The following PHACTR1 variants were observed in gnomAD, a reference collection of about 807,000 sequenced individuals.
PHACTR1 encodes phosphatase and actin regulator 1.
A neutral mutation model predicts 69.2 loss-of-function variants in PHACTR1; 16 were observed. That is an observed-to-expected ratio of 0.23 (90% CI 0.16 to 0.35). The LOEUF is 0.35. Among genes scored for constraint, PHACTR1 ranks in the 10% least tolerant of loss-of-function variants. The pLI, the probability that PHACTR1 is intolerant of heterozygous loss-of-function variation, is 1.00. For synonymous variants in PHACTR1, 312 were observed against 284.5 expected, an observed-to-expected ratio of 1.10 and a Z score of -0.97; for missense variants, 510 against 734.7, an observed-to-expected ratio of 0.69 and a Z score of 3.54.
rs139158116 is a variant in PHACTR1, at chr6:13,188,489, A to G, written c.664+5803A>G. Among the ~76,000 whole-genome samples the G allele has an allele frequency of 5.4e-3, 815 of 152,322 alleles. 5 individuals are homozygous for G. Among genetic ancestry groups the G allele is most frequent in the Admixed American group, 9.0e-3 (137 of 15,300 alleles). ...TGACATGTTTGAAAGGAAACACAGG[A>G]CAATTGAAAGACACCAAGCGTGATT... is the stretch of plus-strand genomic sequence containing the variant. On this transcript the variant is annotated intron_variant, in intron 7 of 14. Transcript: ENST00000332995.
intron 8 of PHACTR1, among the ~76,000 whole-genome samples, chr6:13,221,369 T>G (rs189938602): frequency 6.6e-6 from 1 of 151,990 alleles, no homozygotes; most frequent in East Asian, 1.9e-4. Flanking sequence ...TTCCTGGCTC[T>G]TTTGATTAGG....
At chr6:13,002,114 C>T (rs992501881) in intron 4 of PHACTR1, among the ~76,000 whole-genome samples, 24 of 152,296 alleles carry the variant, frequency 1.6e-4, no homozygotes, top group African/African-American at 5.8e-4. Flanking sequence ...CATGAGTCAC[C>T]TGTCTTTTCC....
At chr6:12,913,024 C>G (rs1428641212) in intron 4 of PHACTR1, among the ~76,000 whole-genome samples, 1 of 152,190 alleles carries the variant, frequency 6.6e-6, no homozygotes, top group Non-Finnish European at 1.5e-5. Flanking sequence ...ATTTGTCATG[C>G]CTGAAAAAGC....
At chr6:12,952,429 C>A (rs77984313) in intron 4 of PHACTR1, among the ~76,000 whole-genome samples, 2,733 of 152,304 alleles carry the variant, frequency 0.018, 68 homozygotes, top group African/African-American at 0.062. Flanking sequence ...TCATTGTCTC[C>A]ATAGTGTTTA....
At chr6:12,952,517 A>G (rs1229116438) in intron 4 of PHACTR1, among the ~76,000 whole-genome samples, 1 of 152,204 alleles carries the variant, frequency 6.6e-6, no homozygotes, top group East Asian at 1.9e-4. Context: ...TGGAGGCATT[A>G]AGATTTCCTT....
At chr6:13,142,835 GA>G (rs36049014) in intron 5 of PHACTR1, among the ~76,000 whole-genome samples, 3 of 147,210 alleles carry the variant, frequency 2.0e-5, no homozygotes, top group South Asian at 2.1e-4. Flanking sequence ...TGAGAAGTGT[GA>G]AAAAAAAAAG....
chr6:13,172,454 C>T (rs1024099661), intron 6 of PHACTR1, among the ~76,000 whole-genome samples: 5 of 152,138 alleles, frequency 3.3e-5, no homozygotes, highest in African/African-American at 1.2e-4. Flanking sequence ...TAATGAGGCG[C>T]TCAGGTTACC....
At chr6:13,285,489 C>A (rs1163046854) in intron 13 of PHACTR1, among the ~76,000 whole-genome samples, 1 of 152,182 alleles carries the variant, frequency 6.6e-6, no homozygotes, top group African/African-American at 2.4e-5. Flanking sequence ...TCTTTACCAG[C>A]CCCTCCTCCT....
At chr6:13,182,165 G>A (rs1052744950) in intron 6 of PHACTR1, among the ~76,000 whole-genome samples, 2 of 152,074 alleles carry the variant, frequency 1.3e-5, no homozygotes, top group Non-Finnish European at 2.9e-5. Flanking sequence ...CCCGGGAGGC[G>A]GATGTTGTGG....
chr6:13,256,955 A>G (rs1775269983), intron 10 of PHACTR1, among the ~76,000 whole-genome samples: 1 of 152,206 alleles, frequency 6.6e-6, no homozygotes, highest in African/African-American at 2.4e-5. Flanking sequence ...CTTTATAGCA[A>G]TACCCTACTC....
At chr6:12,913,486 A>T (rs1424471270) in intron 4 of PHACTR1, among the ~76,000 whole-genome samples, 7 of 152,124 alleles carry the variant, frequency 4.6e-5, no homozygotes, top group African/African-American at 1.7e-4. Context: ...AATGGATAAA[A>T]CTGTTCTCAA....
At chr6:13,135,125 ACT>A (rs1218014813) in intron 5 of PHACTR1, among the ~76,000 whole-genome samples, 1 of 152,124 alleles carries the variant, frequency 6.6e-6, no homozygotes, top group African/African-American at 2.4e-5. Context: ...ATTTCAGCTA[ACT>A]CTCACCACCT....
chr6:13,153,926 A>G (rs1395977960), intron 5 of PHACTR1, among the ~76,000 whole-genome samples: 1 of 151,910 alleles, frequency 6.6e-6, no homozygotes, highest in African/African-American at 2.4e-5. Flanking sequence ...TAGATTTACT[A>G]TTTTCATTTT....
At chr6:12,777,508 T>G (rs1770224638) in intron 4 of PHACTR1, among the ~76,000 whole-genome samples, 1 of 152,110 alleles carries the variant, frequency 6.6e-6, no homozygotes, top group Admixed American at 6.5e-5. Flanking sequence ...GTTCTTGAGT[T>G]ATTTTGCTGA....
chr6:13,277,959 A>C (rs534775948), intron 11 of PHACTR1: 8 of 181,492 alleles, frequency 4.4e-5, no homozygotes, highest in Admixed American at 2.8e-4. Flanking sequence ...AAAAAAAAAA[A>C]AAAACCTACC....
At chr6:12,851,960 G>A (rs1361955883) in intron 4 of PHACTR1, among the ~76,000 whole-genome samples, 1 of 151,968 alleles carries the variant, frequency 6.6e-6, no homozygotes, top group African/African-American at 2.4e-5. Flanking sequence ...TCAACCTCCT[G>A]AGTAGCTGAG....
At chr6:12,867,558 TC>T (rs1468233617) in intron 4 of PHACTR1, among the ~76,000 whole-genome samples, 2 of 152,176 alleles carry the variant, frequency 1.3e-5, no homozygotes, top group Non-Finnish European at 2.9e-5. Context: ...GTTAATTAAT[TC>T]AATGTTTGAC....
chr6:13,240,759 T>C (rs542067236), intron 10 of PHACTR1, among the ~76,000 whole-genome samples: 1 of 152,306 alleles, frequency 6.6e-6, no homozygotes, highest in Admixed American at 6.5e-5. Flanking sequence ...GATATTTGGC[T>C]AAGTGAAAGA....
intron 4 of PHACTR1, among the ~76,000 whole-genome samples, chr6:12,805,653 T>G (rs1379627847): frequency 6.6e-6 from 1 of 151,566 alleles, no homozygotes; most frequent in Non-Finnish European, 1.5e-5. Flanking sequence ...CAGGCTGGAG[T>G]GCAATGGCAA....
Sources: allele counts gnomAD v4.1 joint callset (sites outside exome capture counted in the v4.1 genomes callset), GRCh38; gene constraint gnomAD v4.1.1; transcripts MANE v1.5; gene names NCBI Gene and HGNC (gene_info 2026-07-23, HGNC 2026-07-21).